The following FCHO2 variants were observed in gnomAD, a reference collection of about 807,000 sequenced individuals.
FCHO2 encodes FCH and mu domain containing endocytic adaptor 2.
A neutral mutation model predicts 114.1 loss-of-function variants in FCHO2; 43 were observed. The ratio of observed to expected loss-of-function variants is 0.38; its 90% confidence interval spans 0.30 to 0.49. FCHO2 has a LOEUF of 0.49. Ranked by LOEUF, FCHO2 falls within the 20% of genes least tolerant of loss-of-function variation. The probability of loss-of-function intolerance (pLI) is 0.97; values close to 1 mark genes in which losing one functional copy is unlikely to be tolerated. For missense variants in FCHO2, 807 were observed against 950.4 expected (o/e 0.85, Z 1.98); for synonymous variants, 293 against 315.2 (o/e 0.93, Z 0.75).
Position 73,089,914 on chromosome 5 carries a change from A to G in FCHO2, c.*1824A>G, listed in dbSNP as rs1743431619. On this transcript the variant is annotated 3_prime_UTR_variant, in exon 26 of 26. Coordinates refer to ENST00000430046, the MANE Select transcript of FCHO2 (RefSeq NM_138782.3). ...GCTAAAATGCTAATCTTTACTAAAT[A>G]GTGAGCTAAATTAGAATTTCTAACT... 6.6e-6 allele frequency: 1 copy of G among 152,604 alleles called. No homozygotes were observed. Among genetic ancestry groups the G allele is most frequent in the Non-Finnish European group, 1.5e-5 (1 of 67,980 alleles). The allele number at this position is 152,604 out of a possible 1,614,324, so 9.5% of individuals were successfully genotyped here.
intron 11 of FCHO2, among the ~76,000 whole-genome samples, chr5:73,042,315 G>C (rs1284421939): frequency 6.6e-6 from 1 of 152,068 alleles, no homozygotes; most frequent in Non-Finnish European, 1.5e-5. Context: ...AAAAGCAGCA[G>C]ATGTGTTTGG....
chr5:72,995,259 A>AT lies in FCHO2; in HGVS notation c.495+4409dup, dbSNP rs71614498. Reference sequence around the variant, plus strand: ...ATGACAGAATACCTGAAACTGGGTAATTTTTTTTTTTTTTGAGACAGAGTC... The same window carrying AT: ...ATGACAGAATACCTGAAACTGGGTAATTTTTTTTTTTTTTTGAGACAGAGTC... On this transcript the variant is annotated intron_variant, in intron 5 of 25. Coordinates refer to ENST00000430046, the MANE Select transcript of FCHO2 (RefSeq NM_138782.3). 9.6e-3 allele frequency among the ~76,000 whole-genome samples: 1,391 copies of AT among 144,342 alleles called. 11 individuals are homozygous for AT. The highest frequency in any genetic ancestry group is 0.025 in the African/African-American group (978 of 39,550). The allele number at this position is 144,342 out of a possible 152,430, so 94.7% of individuals were successfully genotyped here.
At chr5:73,061,450 T>C (rs1757849068) in intron 17 of FCHO2, among the ~76,000 whole-genome samples, 1 of 152,096 alleles carries the variant, frequency 6.6e-6, no homozygotes, top group South Asian at 2.1e-4. Context: ...TTCCTTTTGC[T>C]TGTAGTTTTT....
intron 8 of FCHO2, among the ~76,000 whole-genome samples, chr5:73,026,240 C>G (rs1472001405): frequency 6.6e-6 from 1 of 152,080 alleles, no homozygotes; most frequent in Non-Finnish European, 1.5e-5. Context: ...GTGGGTGGAT[C>G]ACCTGGAACA....
rs143773968 is a variant in FCHO2 at position 73,015,288 on chromosome 5, A to T, written c.601-338A>T. Among the ~76,000 whole-genome samples, 535 of 150,190 alleles carry T rather than the reference A, an allele frequency of 3.6e-3. 4 individuals are homozygous for T. Among genetic ancestry groups the T allele is most frequent in the African/African-American group, 0.013 (520 of 40,858 alleles). ...ATTTCTTTTTTTTTTTTGGAGACGGAGTCTCGCTCTGTCGCCCAGGCTCCA... is the reference window on the plus strand; with the variant it reads ...ATTTCTTTTTTTTTTTTGGAGACGGTGTCTCGCTCTGTCGCCCAGGCTCCA... On this transcript the variant is annotated intron_variant, in intron 6 of 25. Coordinates refer to ENST00000430046, the MANE Select transcript of FCHO2 (RefSeq NM_138782.3).
chr5:72,992,727 T>C (rs983154570), intron 5 of FCHO2, among the ~76,000 whole-genome samples: 1 of 152,174 alleles, frequency 6.6e-6, no homozygotes, highest in Non-Finnish European at 1.5e-5. Flanking sequence ...TTCATGACTA[T>C]TTTGGCCATA....
chr5:72,969,362 G>A (rs1260491057), intron 2 of FCHO2, among the ~76,000 whole-genome samples: 5 of 152,172 alleles, frequency 3.3e-5, no homozygotes, highest in African/African-American at 1.2e-4. Flanking sequence ...CCTTCATGGA[G>A]TTTACAGACT....
intron 1 of FCHO2, among the ~76,000 whole-genome samples, chr5:72,961,014 T>C (rs956972875): frequency 6.6e-6 from 1 of 152,162 alleles, no homozygotes; most frequent in East Asian, 1.9e-4. Flanking sequence ...TTTTCCTTAT[T>C]TCTTTTACTG....
chr5:73,083,671 C>T (rs1010278335), intron 24 of FCHO2, among the ~76,000 whole-genome samples: 1 of 152,132 alleles, frequency 6.6e-6, no homozygotes, highest in African/African-American at 2.4e-5. Context: ...GTGGGTGGAT[C>T]ACTTGAAGTC....
chr5:73,084,260 T>G (rs187377693), intron 24 of FCHO2, among the ~76,000 whole-genome samples: 65 of 152,114 alleles, frequency 4.3e-4, no homozygotes, highest in Admixed American at 1.6e-3. Context: ...GGTTTGGTTT[T>G]GTTTTGTTTT....
chr5:72,995,344 C>A (rs943616485), intron 5 of FCHO2, among the ~76,000 whole-genome samples: 1 of 151,936 alleles, frequency 6.6e-6, no homozygotes, highest in East Asian at 1.9e-4. Flanking sequence ...CAACCTCCGC[C>A]TCCCGAGTTC....
intron 9 of FCHO2, among the ~76,000 whole-genome samples, chr5:73,036,248 T>C (rs763772153): frequency 5.9e-5 from 9 of 152,224 alleles, no homozygotes; most frequent in Non-Finnish European, 1.2e-4. Flanking sequence ...AAGATAATTT[T>C]TACTCCTCGG....
At chr5:73,001,204 C>T (rs1754413826) in intron 5 of FCHO2, among the ~76,000 whole-genome samples, 1 of 151,914 alleles carries the variant, frequency 6.6e-6, no homozygotes, top group Non-Finnish European at 1.5e-5. Context: ...TGGGACCAGC[C>T]TGGGCAACGT....
intron 19 of FCHO2, among the ~76,000 whole-genome samples, chr5:73,069,566 A>G (rs1742532250): frequency 1.3e-5 from 2 of 151,964 alleles, no homozygotes; most frequent in African/African-American, 4.8e-5. Flanking sequence ...TGAGAGTCTA[A>G]TGCCGCTGCT....
At chr5:72,989,247 C>T (rs1261740454) in intron 2 of FCHO2, among the ~76,000 whole-genome samples, 180 bp from the exon 3 acceptor site, 1 of 152,156 alleles carries the variant, frequency 6.6e-6, no homozygotes, top group African/African-American at 2.4e-5. Flanking sequence ...TATTTTAGTT[C>T]TATACCAGAA....
intron 8 of FCHO2, among the ~76,000 whole-genome samples, chr5:73,024,501 A>G (rs1755810428): frequency 6.6e-6 from 1 of 150,710 alleles, no homozygotes; most frequent in African/African-American, 2.4e-5. Flanking sequence ...GTGCAGTGGC[A>G]TGGTCTTGGC....
At chr5:72,963,141 A>G (rs1217195285) in intron 1 of FCHO2, among the ~76,000 whole-genome samples, 1 of 152,202 alleles carries the variant, frequency 6.6e-6, no homozygotes, top group Non-Finnish European at 1.5e-5. Flanking sequence ...TCCCTGATGT[A>G]TTTGAAGGAG....
At position 72,994,839 on chromosome 5, in the gene FCHO2, A is replaced by T. The variant is rs181544480; in HGVS notation, c.495+3975A>T. Among the ~76,000 whole-genome samples, 7 of 152,354 alleles carry T rather than the reference A, an allele frequency of 4.6e-5. No homozygotes were observed. The East Asian group carries it at 1.3e-3, about 29-fold the overall frequency. ...AACATGGGTGGAGCTGGAGCCCATTATTCTTAGCAAACTAATGCAGGAACA... is the reference window on the plus strand; with the variant it reads ...AACATGGGTGGAGCTGGAGCCCATTTTTCTTAGCAAACTAATGCAGGAACA... On this transcript the variant is annotated intron_variant, in intron 5 of 25. Coordinates refer to ENST00000430046, the MANE Select transcript of FCHO2 (RefSeq NM_138782.3).
chr5:73,061,612 A>G (rs115703766), intron 17 of FCHO2, among the ~76,000 whole-genome samples: 1,650 of 152,000 alleles, frequency 0.011, 25 homozygotes, highest in Middle Eastern at 0.037. Context: ...TTGTCCCCCA[A>G]ATCTCTACTT....
Sources: gnomAD v4.1 joint callset for allele counts (sites outside exome capture counted in the v4.1 genomes callset) on GRCh38, gnomAD v4.1.1 for gene constraint, MANE v1.5 for transcripts, NCBI Gene and HGNC (gene_info 2026-07-23, HGNC 2026-07-21) for gene names.